Variants in PDGFC observed in about 807,000 individuals in gnomAD.
PDGFC encodes platelet-derived growth factor C.
A neutral mutation model predicts 35.5 loss-of-function variants in PDGFC; 12 were observed. The ratio of observed to expected loss-of-function variants is 0.34; its 90% confidence interval spans 0.22 to 0.55. The LOEUF (loss-of-function observed/expected upper bound fraction) is 0.55. Ranked by LOEUF, PDGFC falls within the 20% of genes least tolerant of loss-of-function variation. The pLI, the probability that PDGFC is intolerant of heterozygous loss-of-function variation, is 0.91. For missense variants in PDGFC, 322 were observed against 412.4 expected (o/e 0.78, Z 1.90); for synonymous variants, 159 against 148.8 (o/e 1.07, Z -0.50).
intron 1 of PDGFC, among the ~76,000 whole-genome samples, chr4:156,881,227 G>T (rs1409914206): frequency 6.6e-6 from 1 of 152,078 alleles, no homozygotes; most frequent in African/African-American, 2.4e-5. Flanking sequence ...CAGCAAAAAG[G>T]TTACTACTTG....
At chr4:156,798,747 T>G (rs1217873109) in intron 3 of PDGFC, among the ~76,000 whole-genome samples, 1 of 152,206 alleles carries the variant, frequency 6.6e-6, no homozygotes, top group African/African-American at 2.4e-5. Flanking sequence ...TCTCTGTCTC[T>G]CTAACAATTC....
At chr4:156,919,655 C>T (rs1262496111) in intron 1 of PDGFC, among the ~76,000 whole-genome samples, 1 of 152,126 alleles carries the variant, frequency 6.6e-6, no homozygotes, top group African/African-American at 2.4e-5. Flanking sequence ...GGGATATGGA[C>T]ACCAAGAAGC....
intron 2 of PDGFC, among the ~76,000 whole-genome samples, chr4:156,841,007 T>A (rs1406493248): frequency 6.6e-6 from 1 of 152,184 alleles, no homozygotes; most frequent in Non-Finnish European, 1.5e-5. Context: ...TACAGGCTCA[T>A]AGGCAGAAGG....
At chr4:156,882,982 G>T (rs1437379249) in intron 1 of PDGFC, among the ~76,000 whole-genome samples, 1 of 151,902 alleles carries the variant, frequency 6.6e-6, no homozygotes, top group African/African-American at 2.4e-5. Flanking sequence ...TACTTGGGAG[G>T]CTGAGGCAGG....
intron 1 of PDGFC, among the ~76,000 whole-genome samples, chr4:156,970,372 C>A (rs1244648003): frequency 6.6e-6 from 1 of 152,118 alleles, no homozygotes; most frequent in Non-Finnish European, 1.5e-5. Flanking sequence ...TCAATTAATG[C>A]GGCTGATATA....
At chr4:156,881,558 G>C (rs1432582652) in intron 1 of PDGFC, among the ~76,000 whole-genome samples, 1 of 152,076 alleles carries the variant, frequency 6.6e-6, no homozygotes, top group Admixed American at 6.6e-5. Flanking sequence ...ACTCTCACAA[G>C]ATCTGATGGC....
chr4:156,918,582 C>CATT (rs1376497355), intron 1 of PDGFC, among the ~76,000 whole-genome samples: 1 of 152,180 alleles, frequency 6.6e-6, no homozygotes, highest in Non-Finnish European at 1.5e-5. Context: ...TCAGTGGCAG[C>CATT]ATTAGATTCT....
intron 1 of PDGFC, among the ~76,000 whole-genome samples, chr4:156,855,820 C>T (rs1729561300): frequency 6.6e-6 from 1 of 152,114 alleles, no homozygotes; most frequent in Admixed American, 6.6e-5. Context: ...TCACTTTTAA[C>T]AACTGTTAGT....
At chr4:156,941,576 T>A in intron 1 of PDGFC, among the ~76,000 whole-genome samples, 1 of 152,322 alleles carries the variant, frequency 6.6e-6, no homozygotes, top group Non-Finnish European at 1.5e-5. Flanking sequence ...ATGTTATTAT[T>A]ATTTGCTATT....
At chr4:156,889,887 A>C (rs1331950924) in intron 1 of PDGFC, among the ~76,000 whole-genome samples, 2 of 152,204 alleles carry the variant, frequency 1.3e-5, no homozygotes, top group African/African-American at 4.8e-5. Context: ...CTAAAGCTGC[A>C]TGCATAGTGA....
At chr4:156,922,318 C>T (rs1317177460) in intron 1 of PDGFC, among the ~76,000 whole-genome samples, 1 of 152,134 alleles carries the variant, frequency 6.6e-6, no homozygotes, top group African/African-American at 2.4e-5. Context: ...ACCTCCTCCA[C>T]CCAAACATGG....
intron 1 of PDGFC, among the ~76,000 whole-genome samples, chr4:156,921,898 C>A (rs1454408483): frequency 2.0e-5 from 3 of 152,168 alleles, no homozygotes; most frequent in African/African-American, 7.2e-5. Context: ...ACTGACAACA[C>A]ACACACACAC....
intron 1 of PDGFC, among the ~76,000 whole-genome samples, chr4:156,922,860 C>T (rs532036072): frequency 1.7e-4 from 26 of 152,086 alleles, no homozygotes; most frequent in Admixed American, 2.6e-4. Context: ...AAGGATACAT[C>T]GTAGTTACTC....
At chr4:156,819,196 C>A (rs1042461933) in intron 2 of PDGFC, among the ~76,000 whole-genome samples, 1 of 152,080 alleles carries the variant, frequency 6.6e-6, no homozygotes, top group South Asian at 2.1e-4. Flanking sequence ...GGAGAAGCTG[C>A]AGCAGGTTAT....
In PDGFC at chr4:156,806,721, A is replaced by G. The variant is rs527607664; in HGVS notation, c.495+4116T>C. 2.4e-4 allele frequency among the ~76,000 whole-genome samples: 36 copies of G among 152,224 alleles called. 1 individual carries two copies. In the South Asian group the frequency reaches 7.3e-3, roughly 31 times the overall value. ...TTTTTACTTTTAGAACTGAGAAATA[A>G]AACTTTTAATAAAGTCTTTTGATTC... On this transcript the variant is annotated intron_variant, in intron 3 of 5. Coordinates refer to ENST00000502773, the MANE Select transcript of PDGFC (RefSeq NM_016205.3).
At chr4:156,766,197 T>G (rs1730522411) in intron 5 of PDGFC, among the ~76,000 whole-genome samples, 1 of 152,136 alleles carries the variant, frequency 6.6e-6, no homozygotes, top group Non-Finnish European at 1.5e-5. Context: ...GCCCTACAGA[T>G]GCACTGAGGA....
At chr4:156,911,943 G>C (rs1339127872) in intron 1 of PDGFC, among the ~76,000 whole-genome samples, 2 of 152,128 alleles carry the variant, frequency 1.3e-5, no homozygotes, top group Admixed American at 1.3e-4. Flanking sequence ...GTTAAACAAT[G>C]AATGTCTAAA....
intron 1 of PDGFC, among the ~76,000 whole-genome samples, chr4:156,886,148 G>A (rs1055890996): frequency 4.6e-5 from 7 of 152,088 alleles, no homozygotes; most frequent in Non-Finnish European, 4.4e-5. Context: ...AACACAGTGG[G>A]GAATAATAAG....
At chr4:156,965,991 C>T (rs1732456924) in intron 1 of PDGFC, among the ~76,000 whole-genome samples, 1 of 152,102 alleles carries the variant, frequency 6.6e-6, no homozygotes, top group Non-Finnish European at 1.5e-5. Flanking sequence ...TGCTTCATCA[C>T]GTGTTGGTCC....
Sources: gnomAD v4.1 joint callset for allele counts (sites outside exome capture counted in the v4.1 genomes callset) on GRCh38, gnomAD v4.1.1 for gene constraint, MANE v1.5 for transcripts, NCBI Gene and HGNC (gene_info 2026-07-23, HGNC 2026-07-21) for gene names.